PLAT: variants seen among roughly 807,000 people sequenced by gnomAD.
PLAT encodes the protein tissue-type plasminogen activator.
A neutral mutation model predicts 74.9 loss-of-function variants in PLAT; 48 were observed. The ratio of observed to expected loss-of-function variants is 0.64; its 90% CI spans 0.51 to 0.82. The LOEUF (loss-of-function observed/expected upper bound fraction) is 0.82. Among genes scored for constraint, PLAT ranks in the 40% least tolerant of loss-of-function variants. PLAT has a pLI of 0.00. For missense variants in PLAT, 673 were observed against 736.2 expected, an observed-to-expected ratio of 0.91 and a Z score of 0.99; for synonymous variants, 307 against 294.4, an observed-to-expected ratio of 1.04 and a Z score of -0.44.
At chr8:42,195,025 G>A (rs1006452423) in intron 1 of PLAT, among the ~76,000 whole-genome samples, 1 of 152,144 alleles carries the variant, frequency 6.6e-6, no homozygotes, top group Non-Finnish European at 1.5e-5. Flanking sequence ...CTGGCGGCCT[G>A]TTCCCTCCTT....
In PLAT at chr8:42,179,961, T is replaced by G. The variant is rs756918378; in HGVS notation, c.1328A>C (p.Glu443Ala). The G allele has an allele frequency of 1.7e-4, 274 of 1,607,264 alleles. No homozygotes were observed. The highest frequency in any genetic ancestry group is 2.2e-4 in the Non-Finnish European group (261 of 1,176,530). Residue 443 changes from glutamate (E) to alanine (A), a missense_variant, in exon 12 of 14, where the codon GAG becomes GCG. Coordinates refer to ENST00000220809, the MANE Select transcript of PLAT (RefSeq NM_000930.5). ...CTTGCCGTAGCCGGAGAGCTCACAC[T>G]CCGTCCAGTCCGGCAGCTGCAGGTC... ...PADLQLPDWTECELSGYGKHE... is the reference protein window; with the variant it reads ...PADLQLPDWTACELSGYGKHE...
At position 42,175,992 on chromosome 8, in the gene PLAT, G is replaced by T. The variant is rs768109716; in HGVS notation, c.*1C>A. 3 of 1,613,974 alleles carry T rather than the reference G, an allele frequency of 1.9e-6. No homozygotes were observed. In the South Asian group the frequency reaches 3.3e-5, roughly 18 times the overall value. Reference sequence around the variant, plus strand: ...GCTTTTGAGGAGTCGGGTGTTCCTGGTCACGGTCGCATGTTGTCACGAATC... The same window carrying T: ...GCTTTTGAGGAGTCGGGTGTTCCTGTTCACGGTCGCATGTTGTCACGAATC... On this transcript the variant is annotated 3_prime_UTR_variant, in exon 14 of 14. Transcript: ENST00000220809.
At chr8:42,189,093 C>G (rs1331289965) in intron 3 of PLAT, 22 bp from the exon 4 acceptor site, 9 of 1,608,868 alleles carry the variant, frequency 5.6e-6, no homozygotes, top group Non-Finnish European at 7.7e-6. Context: ...GACAGGCCAG[C>G]CTCATCAGAG....
chr8:42,194,586 G>A (rs1160555538), intron 1 of PLAT, among the ~76,000 whole-genome samples: 2 of 152,178 alleles, frequency 1.3e-5, no homozygotes, highest in African/African-American at 2.4e-5. Context: ...TTCCTGGAAG[G>A]GAATTCCTGC....
intron 1 of PLAT, among the ~76,000 whole-genome samples, chr8:42,199,363 T>C (rs1411628863): frequency 6.6e-6 from 1 of 152,150 alleles, no homozygotes; most frequent in East Asian, 1.9e-4. Flanking sequence ...TCCTAGCTAC[T>C]CAGGAGGCTG....
chr8:42,203,992 TACAC>T (rs775189467), intron 1 of PLAT, among the ~76,000 whole-genome samples: 2,745 of 109,784 alleles, frequency 0.025, 109 homozygotes, highest in African/African-American at 0.083. Context: ...TATATATATA[TACAC>T]ACACACACAC....
rs1289798500 is a variant in PLAT, at chr8:42,187,159, C to T, written c.539+239G>A. 9.7e-6 allele frequency: 4 copies of T among 414,106 alleles called. No homozygotes were observed. The East Asian group carries it at 1.4e-4, about 14-fold the overall frequency. The allele number at this position is 414,106 out of a possible 1,614,324, so 25.7% of individuals were successfully genotyped here. A position where few individuals can be genotyped will look rare whatever the true frequency, so the allele number is the denominator to read the frequency against. On this transcript the variant is annotated intron_variant, in intron 6 of 13. Transcript: ENST00000220809. ...TGTCTATCTGTCATCCATCTACCGTCTATTTATCATCTATCTATCATGTAT... is the reference window on the plus strand; with the variant it reads ...TGTCTATCTGTCATCCATCTACCGTTTATTTATCATCTATCTATCATGTAT...
intron 13 of PLAT, 46 bp downstream of exon 13, chr8:42,178,851 T>A: frequency 6.4e-7 from 1 of 1,566,486 alleles, no homozygotes; most frequent in Non-Finnish European, 8.7e-7. Flanking sequence ...CCCAGGGGCA[T>A]TCTCCCCTGG....
intron 1 of PLAT, among the ~76,000 whole-genome samples, chr8:42,198,992 T>C (rs1806024627): frequency 6.6e-6 from 1 of 152,182 alleles, no homozygotes; most frequent in Non-Finnish European, 1.5e-5. Flanking sequence ...TGAAGTGAGA[T>C]GCTGGGAGAG....
chr8:42,199,615 C>A (rs1563263695), intron 1 of PLAT, among the ~76,000 whole-genome samples: 1 of 152,168 alleles, frequency 6.6e-6, no homozygotes, highest in African/African-American at 2.4e-5. Context: ...ATGCTCCACC[C>A]TCTGCCTGGT....
At chr8:42,181,058 A>G (rs1209377514) in intron 9 of PLAT, among the ~76,000 whole-genome samples, 10 of 152,230 alleles carry the variant, frequency 6.6e-5, no homozygotes, top group Admixed American at 6.5e-4. Flanking sequence ...AACCTTACCC[A>G]TGCTTCAAGG....
At chr8:42,187,803 C>A in intron 5 of PLAT, 103 bp downstream of exon 5, 1 of 875,362 alleles carries the variant, frequency 1.1e-6, no homozygotes, top group Non-Finnish European at 1.9e-6. Flanking sequence ...TGTCCCTGGC[C>A]CCCACCCCTG....
Position 42,175,950 on chromosome 8 carries a change from G to GA in PLAT, c.*42dup, listed in dbSNP as rs752968255. On this transcript the variant is annotated 3_prime_UTR_variant, in exon 14 of 14. Transcript: ENST00000220809. ...CTTTGCAGTGTCTTCTGAAGAAGAA[G>GA]AGGCGGGATCTCATTTGCTTTTGAG... The GA allele has an allele frequency of 5.4e-5, 87 of 1,603,160 alleles. 3 individuals carry two copies. The South Asian group carries it at 9.2e-4, about 17-fold the overall frequency.
At position 42,179,993 on chromosome 8, in the gene PLAT, G is replaced by C. The variant is rs779067730; in HGVS notation, c.1296C>G (p.Pro432=). Residue 432 remains proline (P), a synonymous_variant, in exon 12 of 14, where the codon CCC becomes CCG. Transcript: ENST00000220809. ...ESSVVRTVCL[P]PADLQLPDWT... The stretch of plus-strand genomic sequence containing the variant: ...AGTCCGGCAGCTGCAGGTCCGCCGG[G>C]GGAAGGCACACAGTGCGGACCACGC... 8.1e-6 allele frequency: 13 copies of C among 1,609,400 alleles called. No individual in the cohort carries two copies. The highest frequency in any genetic ancestry group is 1.0e-5 in the Non-Finnish European group (12 of 1,177,718).
chr8:42,176,026 G>C lies in PLAT; in HGVS notation c.1656C>G (p.Tyr552Ter). 1.9e-6 allele frequency: 3 copies of C among 1,614,170 alleles called. No homozygotes were observed. Among genetic ancestry groups the C allele is most frequent in the Non-Finnish European group, 2.5e-6 (3 of 1,180,024 alleles). ...GCATGTTGTCACGAATCCAGTCTAG[G>C]TAGTTGGTAACCTTGGTGTACACAC... The part of the protein sequence containing the change: ...VPGVYTKVTN[Y>*]LDWIRDNMRP The change falls in exon 14 of 14, where the codon TAC (tyrosine) becomes TAG (stop). Residue 552 changes from tyrosine to a stop codon, truncating the protein, a stop_gained. Transcript: ENST00000220809. LOFTEE classifies it high-confidence loss of function.
At position 42,187,447 on chromosome 8, in the gene PLAT, G is replaced by A. The variant is rs2020921; in HGVS notation, c.490C>T (p.Arg164Trp). 29,930 of 1,603,474 alleles carry A rather than the reference G, an allele frequency of 0.019. 344 individuals carry two copies. Among genetic ancestry groups the A allele is most frequent in the Non-Finnish European group, 0.023 (26,992 of 1,178,780 alleles). Residue 164 changes from arginine to tryptophan, a missense_variant, in exon 6 of 14, where the codon CGG becomes TGG. By Grantham distance (101) the Arg-to-Trp change is moderately radical. Coordinates refer to ENST00000220809, the MANE Select transcript of PLAT (RefSeq NM_000930.5). ...SALAQKPYSG[R>W]RPDAIRLGLG... ...CCCAGCCTGATGGCGTCTGGCCTCC[G>A]CCCGCTGTAGGGCTTCTGGGCCAAC... is the stretch of plus-strand genomic sequence containing the variant.
At chr8:42,185,636 A>G (rs1805424758) in intron 6 of PLAT, 1 of 153,068 alleles carries the variant, frequency 6.5e-6, no homozygotes, top group South Asian at 2.0e-4. Context: ...TCCTGTGTTT[A>G]CTTGGAGGTG....
intron 1 of PLAT, among the ~76,000 whole-genome samples, chr8:42,194,241 AGTGTGTGTGT>A (rs36208802): frequency 0.022 from 1,149 of 52,476 alleles, 26 homozygotes; most frequent in East Asian, 0.062. Context: ...AGAGAGAGAG[AGTGTGTGTGT>A]GTGTGTGTGT....
At chr8:42,179,313 A>G (rs1253171408) in intron 12 of PLAT, among the ~76,000 whole-genome samples, 1 of 151,586 alleles carries the variant, frequency 6.6e-6, no homozygotes, top group African/African-American at 2.4e-5. Context: ...GTTGTGGGGG[A>G]TGGGGACAGT....
Sources: gnomAD v4.1 joint callset for allele counts (sites outside exome capture counted in the v4.1 genomes callset) on GRCh38, gnomAD v4.1.1 for gene constraint, MANE v1.5 for transcripts, NCBI Gene and HGNC (gene_info 2026-07-23, HGNC 2026-07-21) for gene names.